The following LAMB4 variants were observed in gnomAD, a reference collection of about 807,000 sequenced individuals.
LAMB4 encodes laminin subunit beta-4.
A neutral mutation model predicts 199.2 loss-of-function variants in LAMB4; 196 were observed. That is an observed-to-expected ratio of 0.98 (90% CI 0.88 to 1.11). The LOEUF is 1.11. Among genes scored for constraint, LAMB4 ranks in the 50% least tolerant of loss-of-function variants. LAMB4 has a pLI of 0.00. For synonymous variants in LAMB4, 744 were observed against 770.6 expected (o/e 0.97, Z 0.57); for missense variants, 2,080 against 2,171.2 (o/e 0.96, Z 0.83).
intron 14 of LAMB4, among the ~76,000 whole-genome samples, chr7:108,085,333 C>A (rs1331904233): frequency 6.6e-6 from 1 of 152,160 alleles, no homozygotes; most frequent in Non-Finnish European, 1.5e-5. Context: ...TTTGTAATTT[C>A]AGTGATTCCA....
chr7:108,023,369 A>G (rs1232806870), downstream of LAMB4, among the ~76,000 whole-genome samples: 2 of 152,256 alleles, frequency 1.3e-5, no homozygotes, highest in Admixed American at 6.5e-5. Flanking sequence ...CTAAACAATA[A>G]GAACATGATT....
rs1173201809 is a variant in LAMB4, at chr7:108,079,747, C to T, written c.1741G>A (p.Val581Ile). 4 of 1,607,690 alleles carry T rather than the reference C, an allele frequency of 2.5e-6. No individual in the cohort carries two copies. The Admixed American group carries it at 6.8e-5, about 27-fold the overall frequency. The change falls in exon 15 of 34, where the codon GTT becomes ATT. Residue 581 changes from valine to isoleucine, a missense_variant. Physicochemically the swap from Val to Ile is conservative, Grantham distance 29. Coordinates refer to ENST00000388781, the MANE Select transcript of LAMB4 (RefSeq NM_007356.3). ...TFGQSPAVHV[V>I]LGEPVPGNPV... ...TTCCCAGGAACTGGCTCTCCTAAAA[C>T]AACGTGAACAGCAGGACTCTGGCCA...
intron 32 of LAMB4, among the ~76,000 whole-genome samples, chr7:108,030,546 C>T (rs1056413190): frequency 6.6e-6 from 1 of 152,156 alleles, no homozygotes; most frequent in African/African-American, 2.4e-5. Context: ...GATTTATGGA[C>T]TGATTGACCA....
At chr7:108,087,282 T>C (rs1322298758) in intron 14 of LAMB4, among the ~76,000 whole-genome samples, 1 of 152,192 alleles carries the variant, frequency 6.6e-6, no homozygotes, top group African/African-American at 2.4e-5. Flanking sequence ...GCAGGCTCCA[T>C]GTTTAAGTGT....
Position 108,030,972 on chromosome 7 carries a change from T to G in LAMB4, c.4826A>C (p.Asn1609Thr), listed in dbSNP as rs1378392781. The G allele has an allele frequency of 5.0e-6, 8 of 1,612,324 alleles. No individual in the cohort carries two copies. Among genetic ancestry groups the G allele is most frequent in the Non-Finnish European group, 6.8e-6 (8 of 1,179,298 alleles). ...CTCACTCTTCATTTCCCTGGTTTGA[T>G]TTTCAGCCTGTTGTTGATTTAAAGA... is the stretch of plus-strand genomic sequence containing the variant. ...KIKKNVLQAE[N>T]QTREMKSELE... Residue 1609 changes from asparagine to threonine, a missense_variant, in exon 32 of 34, where the codon AAT becomes ACT. By Grantham distance (65) the Asn-to-Thr change is moderately conservative. Coordinates refer to ENST00000388781, the MANE Select transcript of LAMB4 (RefSeq NM_007356.3).
chr7:108,032,726 G>A (rs2035084750), intron 31 of LAMB4, among the ~76,000 whole-genome samples: 1 of 150,908 alleles, frequency 6.6e-6, no homozygotes, highest in South Asian at 2.1e-4. Flanking sequence ...GTGTGTGTGT[G>A]TGACAGAGAG....
intron 33 of LAMB4, among the ~76,000 whole-genome samples, chr7:108,024,589 A>T (rs756983647): frequency 3.2e-4 from 48 of 152,106 alleles, no homozygotes; most frequent in Non-Finnish European, 6.3e-4. Flanking sequence ...TCATGTGTTG[A>T]TTCCTCCCTG....
At chr7:108,038,853 T>G (rs1045267544) in intron 29 of LAMB4, among the ~76,000 whole-genome samples, 2 of 152,140 alleles carry the variant, frequency 1.3e-5, no homozygotes, top group South Asian at 2.1e-4. Flanking sequence ...AAGCTAGAGA[T>G]GAACTAGACA....
intron 8 of LAMB4, 118 bp downstream of exon 8, chr7:108,105,699 G>T: frequency 1.2e-6 from 1 of 845,102 alleles, no homozygotes; most frequent in Non-Finnish European, 1.9e-6. Context: ...ACCCATCTCA[G>T]CATAAAACTG....
rs753541717 is a variant in LAMB4 at position 108,111,942 on chromosome 7, T to TC, written c.196dup (p.Glu66GlyfsTer8). 1 of 1,601,136 alleles carries TC rather than the reference T, an allele frequency of 6.2e-7. No individual in the cohort carries two copies. Among genetic ancestry groups the TC allele is most frequent in the Admixed American group, 1.7e-5 (1 of 57,410 alleles). The stretch of plus-strand genomic sequence containing the variant: ...AGAGTCACAGATGAAGCATTTTTGT[T>TC]CCCCCTGGAAAACACCATTATTAAA... On this transcript the variant is annotated frameshift_variant, in exon 4 of 34. Transcript: ENST00000388781. LOFTEE classifies it high-confidence loss of function.
chr7:108,071,405 G>A (rs776636575), intron 17 of LAMB4, among the ~76,000 whole-genome samples: 13 of 152,130 alleles, frequency 8.5e-5, no homozygotes, highest in Non-Finnish European at 1.8e-4. Context: ...GCCACCATCT[G>A]AATGGGTGCC....
intron 14 of LAMB4, among the ~76,000 whole-genome samples, chr7:108,080,840 A>C (rs2036903426): frequency 6.6e-6 from 1 of 151,790 alleles, no homozygotes; most frequent in African/African-American, 2.4e-5. Flanking sequence ...AACCCCTTGT[A>C]AGGCTGGGTG....
chr7:108,095,634 GA>G (rs2037567327), intron 11 of LAMB4, among the ~76,000 whole-genome samples: 1 of 152,200 alleles, frequency 6.6e-6, no homozygotes. Context: ...AACCCTAAGT[GA>G]TGCTGACCAG....
chr7:108,089,969 A>T (rs549126036), intron 14 of LAMB4, among the ~76,000 whole-genome samples: 1 of 152,270 alleles, frequency 6.6e-6, no homozygotes, highest in African/African-American at 2.4e-5. Flanking sequence ...GGCCAAGAGT[A>T]AGAGTTTTGA....
intron 11 of LAMB4, among the ~76,000 whole-genome samples, chr7:108,095,953 A>G (rs893554612): frequency 6.6e-6 from 1 of 152,256 alleles, no homozygotes; most frequent in African/African-American, 2.4e-5. Flanking sequence ...CCTCTGTACA[A>G]TAGTATGTTA....
rs371429199 is a variant in LAMB4, at chr7:108,065,764, G to C, written c.2834C>G (p.Thr945Arg). 5.0e-6 allele frequency: 8 copies of C among 1,613,502 alleles called. No homozygotes were observed. The highest frequency in any genetic ancestry group is 5.9e-6 in the Non-Finnish European group (7 of 1,179,594). ...DVICNCLQGY[T>R]GTQCGECSTG... The stretch of plus-strand genomic sequence containing the variant: ...GCATCAAGCACTATACTGCATACCC[G>C]TATAACCTTGAAGACAATTGCAGAT... The change falls in exon 21 of 34, where the codon ACG (threonine) becomes AGG (arginine). Residue 945 changes from threonine (T) to arginine (R), a missense_variant and splice_region_variant. Physicochemically the swap from Thr to Arg is moderately conservative, Grantham distance 71. Transcript: ENST00000388781.
In LAMB4 at chr7:108,027,058, A is replaced by G. The variant is rs2034863639; in HGVS notation, c.5146+1985T>C. 4 of 358,448 alleles carry G rather than the reference A, an allele frequency of 1.1e-5. No homozygotes were observed. In the Middle Eastern group the frequency reaches 1.2e-3, roughly 104 times the overall value. The allele number at this position is 358,448 out of a possible 1,614,324, so 22.2% of individuals were successfully genotyped here. A position where few individuals can be genotyped will look rare whatever the true frequency, so the allele number is the denominator to read the frequency against. ...GGGGATCAGTGGAAACAATGTGTGT[A>G]TGACATAAACAATATGACATAAAAA... On this transcript the variant is annotated intron_variant, in intron 33 of 33. Transcript: ENST00000388781.
chr7:108,018,559 G>GATGTTACCCTGTCTCTACT (rs1234893389), downstream of LAMB4, among the ~76,000 whole-genome samples: 1 of 152,126 alleles, frequency 6.6e-6, no homozygotes, highest in Admixed American at 6.5e-5. Flanking sequence ...CTAACAAGGT[G>GATGTTACCCTGTCTCTACT]AAACCCTGTC....
Position 108,092,318 on chromosome 7 carries a change from TA to T in LAMB4, c.1550+18del. The T allele has an allele frequency of 6.3e-7, 1 of 1,588,002 alleles. No homozygotes were observed. On this transcript the variant is annotated intron_variant, in intron 13 of 33. Transcript: ENST00000388781. ...TATGTTTAAATAAGGAATATTGCTA[TA>T]AAACTTATTTGACTTACACGTTAGA... is the stretch of plus-strand genomic sequence containing the variant.
Sources: gnomAD v4.1 joint callset for allele counts (sites outside exome capture counted in the v4.1 genomes callset) on GRCh38, gnomAD v4.1.1 for gene constraint, MANE v1.5 for transcripts, NCBI Gene and HGNC (gene_info 2026-07-23, HGNC 2026-07-21) for gene names.